Variants in CFAP77 observed in about 807,000 individuals in gnomAD.
The protein encoded by CFAP77 is cilia- and flagella-associated protein 77.
A neutral mutation model predicts 31.1 loss-of-function variants in CFAP77; 25 were observed. The ratio of observed to expected loss-of-function variants is 0.80; its 90% CI spans 0.59 to 1.12. The LOEUF is 1.12. Among genes scored for constraint, CFAP77 ranks in the 50% most tolerant of loss-of-function variants. The pLI, the probability that CFAP77 is intolerant of heterozygous loss-of-function variation, is 0.00. For missense variants in CFAP77, 377 were observed against 397.3 expected (o/e 0.95, Z 0.44); for synonymous variants, 151 against 159.9 (o/e 0.94, Z 0.42).
intron 1 of CFAP77, among the ~76,000 whole-genome samples, chr9:132,479,820 T>A (rs1851416737): frequency 6.6e-6 from 1 of 152,148 alleles, no homozygotes; most frequent in Admixed American, 6.5e-5. Context: ...TGAGAGGCAG[T>A]GAATATTCTC....
chr9:132,479,750 C>G (rs1229434510), intron 1 of CFAP77, among the ~76,000 whole-genome samples: 1 of 152,218 alleles, frequency 6.6e-6, no homozygotes, highest in East Asian at 1.9e-4. Flanking sequence ...GTAGCATCAA[C>G]TCCCTCTAAT....
At chr9:132,557,508 C>T (rs536379942) in intron 5 of CFAP77, among the ~76,000 whole-genome samples, 1 of 152,296 alleles carries the variant, frequency 6.6e-6, no homozygotes, top group Admixed American at 6.5e-5. Flanking sequence ...GGGTCAAGCT[C>T]AAGATTTAAT....
At chr9:132,567,694 G>C (rs912176582) in intron 5 of CFAP77, among the ~76,000 whole-genome samples, 1 of 152,164 alleles carries the variant, frequency 6.6e-6, no homozygotes, top group Non-Finnish European at 1.5e-5. Context: ...CAGTTCTGGA[G>C]GCCAGACCAA....
chr9:132,430,183 A>T (rs1315158703), intron 1 of CFAP77, among the ~76,000 whole-genome samples: 2 of 152,166 alleles, frequency 1.3e-5, no homozygotes, highest in South Asian at 2.1e-4. Context: ...TAAATTTTTT[A>T]AAATTTCTGG....
intron 1 of CFAP77, among the ~76,000 whole-genome samples, chr9:132,479,444 G>A (rs1851408342): frequency 6.6e-6 from 1 of 152,212 alleles, no homozygotes; most frequent in South Asian, 2.1e-4. Context: ...TGGGTGCATG[G>A]GGGAGGGCCT....
At chr9:132,535,965 T>G (rs2119051314) in intron 3 of CFAP77, among the ~76,000 whole-genome samples, 1 of 152,300 alleles carries the variant, frequency 6.6e-6, no homozygotes, top group Non-Finnish European at 1.5e-5. Context: ...CTTCCTGTTC[T>G]CTCCCTCATT....
In CFAP77 at chr9:132,505,358, T is replaced by G. The variant is rs80126967; in HGVS notation, c.524+5758T>G. On this transcript the variant is annotated intron_variant, in intron 3 of 5. Transcript: ENST00000393216. ...TATTCAATTACTTCCTTCCCAGTTA[T>G]CCTATTTGGTTCCCAATCCACACCG... 6.9e-3 allele frequency among the ~76,000 whole-genome samples: 1,056 copies of G among 152,348 alleles called. 20 individuals are homozygous for G. The highest frequency in any genetic ancestry group is 0.024 in the African/African-American group (1,004 of 41,568).
chr9:132,566,854 A>G (rs1829890257), intron 5 of CFAP77, among the ~76,000 whole-genome samples: 1 of 152,126 alleles, frequency 6.6e-6, no homozygotes, highest in African/African-American at 2.4e-5. Context: ...TCCAGGGCAC[A>G]TTCAAGTCCC....
At position 132,424,971 on chromosome 9, in the gene CFAP77, CAGTT is replaced by C. The variant is rs1266575173; in HGVS notation, c.195+14512_195+14515del. Among the ~76,000 whole-genome samples, 3 of 152,184 alleles carry C rather than the reference CAGTT, an allele frequency of 2.0e-5. No homozygotes were observed. Among genetic ancestry groups the C allele is most frequent in the South Asian group, 2.1e-4 (1 of 4,826 alleles). ...AAAAGCACAGTCCCGCTCACCCTCG[CAGTT>C]AGTTAGCATTTAGATAGACTGGGAC... is the stretch of plus-strand genomic sequence containing the variant. On this transcript the variant is annotated intron_variant, in intron 1 of 5. Coordinates refer to ENST00000393216, the MANE Select transcript of CFAP77 (RefSeq NM_001282957.2). The surrounding 1 kb of genome is among the most constrained non-coding windows in gnomAD (Gnocchi z 4.1).
intron 5 of CFAP77, among the ~76,000 whole-genome samples, chr9:132,568,748 G>A (rs546790061): frequency 2.0e-5 from 3 of 152,186 alleles, no homozygotes; most frequent in East Asian, 3.9e-4. Flanking sequence ...CCCATAGTCT[G>A]GAGTGCAGTG....
intron 5 of CFAP77, among the ~76,000 whole-genome samples, chr9:132,546,998 G>A (rs1852743626): frequency 6.6e-6 from 1 of 152,280 alleles, no homozygotes; most frequent in Admixed American, 6.5e-5. Flanking sequence ...GGGTGAGCCA[G>A]CAGGGGGAGC....
chr9:132,531,147 T>G (rs1461405697), intron 3 of CFAP77, among the ~76,000 whole-genome samples: 2 of 152,226 alleles, frequency 1.3e-5, no homozygotes, highest in African/African-American at 4.8e-5. Context: ...ATGAAAAGTT[T>G]ATCTCCTAAA....
chr9:132,478,630 A>G (rs1009298309), intron 1 of CFAP77, among the ~76,000 whole-genome samples: 8 of 152,298 alleles, frequency 5.3e-5, no homozygotes, highest in African/African-American at 1.9e-4. Flanking sequence ...AGGCTTCTCC[A>G]AGGCAGATGG....
chr9:132,529,904 CT>C (rs1389535494), intron 3 of CFAP77, among the ~76,000 whole-genome samples: 3 of 151,914 alleles, frequency 2.0e-5, no homozygotes, highest in African/African-American at 7.2e-5. Context: ...ATTTTCCATC[CT>C]CACCAGCAGT....
chr9:132,414,356 G>T (rs560106418), intron 1 of CFAP77, among the ~76,000 whole-genome samples: 7 of 152,170 alleles, frequency 4.6e-5, no homozygotes, highest in Non-Finnish European at 8.8e-5. Flanking sequence ...AATTTCACAG[G>T]AGTTAACCAT....
intron 3 of CFAP77, 110 bp from the exon 4 acceptor site, chr9:132,537,491 T>C: frequency 1.4e-6 from 1 of 711,686 alleles, no homozygotes; most frequent in East Asian, 2.6e-5. Context: ...GTGGGAGTGA[T>C]GTACCCCACA....
chr9:132,458,423 C>T (rs564424772), intron 1 of CFAP77, among the ~76,000 whole-genome samples: 1 of 151,256 alleles, frequency 6.6e-6, no homozygotes, highest in East Asian at 2.0e-4. Context: ...TATGGAATTT[C>T]GACTGAATTT....
intron 1 of CFAP77, among the ~76,000 whole-genome samples, chr9:132,443,356 C>T (rs961277440): frequency 2.6e-5 from 4 of 151,282 alleles, no homozygotes; most frequent in African/African-American, 7.3e-5. Flanking sequence ...CGGGTTCAAG[C>T]GATTCTCCTG....
In CFAP77 at chr9:132,554,939, C is replaced by CCCAT. The variant is rs113226727; in HGVS notation, c.732+11939_732+11942dup. The stretch of plus-strand genomic sequence containing the variant: ...ATGCATGCATGCATCCATCCATCCA[C>CCCAT]CCATCCATCCATCCATCCATCCATC... On this transcript the variant is annotated intron_variant, in intron 5 of 5. Coordinates refer to ENST00000393216, the MANE Select transcript of CFAP77 (RefSeq NM_001282957.2). The surrounding 1 kb of genome is among the most constrained non-coding windows in gnomAD (Gnocchi z 4.1). Among the ~76,000 whole-genome samples, 23,516 of 146,466 alleles carry CCCAT rather than the reference C, an allele frequency of 0.16. 2,029 individuals are homozygous for CCCAT. The highest frequency in any genetic ancestry group is 0.32 in the East Asian group (1,549 of 4,850).
Sources: gnomAD v4.1 joint callset for allele counts (sites outside exome capture counted in the v4.1 genomes callset) on GRCh38, gnomAD v4.1.1 for gene constraint, Gnocchi (gnomAD v3.1) non-coding constraint, MANE v1.5 for transcripts, NCBI Gene and HGNC (gene_info 2026-07-23, HGNC 2026-07-21) for gene names.